Variants in SRGAP1 observed in about 807,000 individuals in gnomAD.
SRGAP1 encodes SLIT-ROBO Rho GTPase activating protein 1, also known as SLIT-ROBO Rho GTPase-activating protein 1.
A neutral mutation model predicts 121.9 loss-of-function variants in SRGAP1; 43 were observed. That is an observed-to-expected ratio of 0.35 (90% CI 0.28 to 0.46). The LOEUF (loss-of-function observed/expected upper bound fraction) is 0.46. Among genes scored for constraint, SRGAP1 ranks in the 20% least tolerant of loss-of-function variants. SRGAP1 has a pLI of 1.00. For synonymous variants in SRGAP1, 447 were observed against 485.4 expected, an observed-to-expected ratio of 0.92 and a Z score of 1.04; for missense variants, 1,102 against 1,350.9, an observed-to-expected ratio of 0.82 and a Z score of 2.89.
chr12:64,041,339 A>G (rs933697162), intron 4 of SRGAP1, among the ~76,000 whole-genome samples: 3 of 151,724 alleles, frequency 2.0e-5, no homozygotes, highest in Non-Finnish European at 2.9e-5. Flanking sequence ...TTAAAGAGAG[A>G]AATCATATAT....
chr12:64,043,376 T>C, intron 5 of SRGAP1, 71 bp from the exon 6 acceptor site: 2 of 1,433,092 alleles, frequency 1.4e-6, no homozygotes, highest in Non-Finnish European at 1.9e-6. Flanking sequence ...TAAAAATGCA[T>C]GTATGTTTCT....
chr12:64,108,017 A>G (rs1327420207), intron 15 of SRGAP1, among the ~76,000 whole-genome samples: 1 of 152,206 alleles, frequency 6.6e-6, no homozygotes, highest in Non-Finnish European at 1.5e-5. Context: ...GACCTTGGGT[A>G]TGCCACTTGC....
chr12:63,846,331 A>G (rs1232674134), intron 1 of SRGAP1, among the ~76,000 whole-genome samples: 1 of 152,136 alleles, frequency 6.6e-6, no homozygotes, highest in African/African-American at 2.4e-5. Flanking sequence ...AAAACCTTTC[A>G]TTCCAGGGCA....
intron 15 of SRGAP1, among the ~76,000 whole-genome samples, chr12:64,102,199 C>T (rs1003702038): frequency 6.6e-6 from 1 of 152,234 alleles, no homozygotes; most frequent in Non-Finnish European, 1.5e-5. Flanking sequence ...GTTATTGCGG[C>T]TTTTGCCATT....
intron 1 of SRGAP1, among the ~76,000 whole-genome samples, chr12:63,954,762 G>A (rs1330337033): frequency 2.0e-5 from 3 of 151,892 alleles, no homozygotes; most frequent in Non-Finnish European, 2.9e-5. Context: ...CACAATTGTA[G>A]GTTTGAATTA....
At chr12:63,940,443 A>G (rs1439271101) in intron 1 of SRGAP1, among the ~76,000 whole-genome samples, 1 of 150,384 alleles carries the variant, frequency 6.6e-6, no homozygotes, top group African/African-American at 2.4e-5. Flanking sequence ...AGCTATGATC[A>G]AGGAGTGTTT....
chr12:64,127,477 T>C, intron 19 of SRGAP1, 113 bp from the exon 20 acceptor site: 1 of 1,055,648 alleles, frequency 9.5e-7, no homozygotes, highest in Non-Finnish European at 1.3e-6. Context: ...TCATGCATAA[T>C]GCTATTTCAT....
chr12:63,986,427 AT>A (rs112213433), intron 2 of SRGAP1, among the ~76,000 whole-genome samples: 1,543 of 144,514 alleles, frequency 0.011, 14 homozygotes, highest in African/African-American at 0.031. Flanking sequence ...CTATTCAGTA[AT>A]TTTTTTTTTT....
In SRGAP1 at chr12:64,080,381, C is replaced by G; in HGVS notation, c.1408+11C>G. The G allele has an allele frequency of 6.2e-7, 1 of 1,601,558 alleles. No homozygotes were observed. The highest frequency in any genetic ancestry group is 8.6e-7 in the Non-Finnish European group (1 of 1,169,138). On this transcript the variant is annotated intron_variant, in intron 10 of 21. Coordinates refer to ENST00000355086, the MANE Select transcript of SRGAP1 (RefSeq NM_020762.4). ...GGACCCTGGGAGAAGGTGAGTTATC[C>G]AAAATGTATGGGAAGATGACCTGGA...
chr12:64,137,130 G>A (rs191795542), intron 21 of SRGAP1, among the ~76,000 whole-genome samples: 355 of 152,186 alleles, frequency 2.3e-3, no homozygotes, highest in Admixed American at 3.9e-3. Flanking sequence ...TGGGCATGGT[G>A]GCAGGCATCT....
chr12:64,098,165 C>G (rs1006081464), intron 15 of SRGAP1, among the ~76,000 whole-genome samples: 1 of 152,038 alleles, frequency 6.6e-6, no homozygotes, highest in Admixed American at 6.5e-5. Flanking sequence ...CTCCACCCCC[C>G]ATCTGAATCA....
In SRGAP1 at chr12:64,147,480, C is replaced by G. The variant is rs984694807; in HGVS notation, c.*4808C>G. 1 of 397,574 alleles carries G rather than the reference C, an allele frequency of 2.5e-6. No homozygotes were observed. Among genetic ancestry groups the G allele is most frequent in the Non-Finnish European group, 4.4e-6 (1 of 225,534 alleles). 24.6% of individuals were successfully genotyped at this position (397,574 alleles called of 1,614,324 possible). A position where few individuals can be genotyped will look rare whatever the true frequency, so the allele number is the denominator to read the frequency against. ...GGTGCTCAGTAATGTCCCATCTCAC[C>G]TCCCTGTCGGTCCTCAGACTGTCTC... On this transcript the variant is annotated 3_prime_UTR_variant, in exon 22 of 22. Coordinates refer to ENST00000355086, the MANE Select transcript of SRGAP1 (RefSeq NM_020762.4).
intron 8 of SRGAP1, among the ~76,000 whole-genome samples, chr12:64,071,633 CAG>C (rs1391088230): frequency 6.6e-6 from 1 of 152,232 alleles, no homozygotes; most frequent in East Asian, 1.9e-4. Flanking sequence ...AAATCAGAGT[CAG>C]GGGTGGGCCG....
chr12:63,898,605 A>G lies in SRGAP1; in HGVS notation c.67+53722A>G, dbSNP rs544928219. 3.3e-5 allele frequency among the ~76,000 whole-genome samples: 5 copies of G among 152,342 alleles called. No individual in the cohort carries two copies. In the East Asian group the frequency reaches 7.7e-4, roughly 23 times the overall value. ...GAGATTTACATTACATAAATATTAC[A>G]AAACAGAAGGAAACTCTACAAACAA... On this transcript the variant is annotated intron_variant, in intron 1 of 21. Coordinates refer to ENST00000355086, the MANE Select transcript of SRGAP1 (RefSeq NM_020762.4).
At chr12:63,884,010 G>A (rs185999079) in intron 1 of SRGAP1, among the ~76,000 whole-genome samples, 345 of 135,440 alleles carry the variant, frequency 2.5e-3, no homozygotes, top group Non-Finnish European at 3.9e-3. Flanking sequence ...CAGGCCAGGC[G>A]CGGTAGCTCA....
intron 6 of SRGAP1, among the ~76,000 whole-genome samples, chr12:64,045,077 A>T (rs2035101953): frequency 6.6e-6 from 1 of 152,168 alleles, no homozygotes; most frequent in South Asian, 2.1e-4. Context: ...ACCATGTAGT[A>T]ATAAATAAAA....
intron 1 of SRGAP1, among the ~76,000 whole-genome samples, chr12:63,916,263 G>A (rs544618080): frequency 6.6e-6 from 1 of 151,972 alleles, no homozygotes; most frequent in Non-Finnish European, 1.5e-5. Flanking sequence ...GAGCTCTAGG[G>A]ATCTGCCCAC....
chr12:64,073,782 A>T (rs1333427219), intron 8 of SRGAP1, among the ~76,000 whole-genome samples: 1 of 151,564 alleles, frequency 6.6e-6, no homozygotes, highest in Non-Finnish European at 1.5e-5. Flanking sequence ...ATCCATAAAA[A>T]AAAAAACCTG....
chr12:64,094,943 G>C lies in SRGAP1; in HGVS notation c.1551G>C (p.Gln517His). Residue 517 changes from glutamine (Q) to histidine (H), a missense_variant, in exon 13 of 22, where the codon CAG (glutamine) becomes CAC (histidine). Physicochemically the swap from Gln to His is conservative, Grantham distance 24 (BLOSUM62 0). Coordinates refer to ENST00000355086, the MANE Select transcript of SRGAP1 (RefSeq NM_020762.4). ...DLETFVKDSG[Q>H]VIPLIVESCI... ...ATCCCTTTACCCAGGACTCAGGACA[G>C]GTTATTCCCCTCATTGTGGAAAGCT... 6.2e-7 allele frequency: 1 copy of C among 1,614,068 alleles called. No individual in the cohort carries two copies.
Sources: gnomAD v4.1 joint callset for allele counts (sites outside exome capture counted in the v4.1 genomes callset) on GRCh38, gnomAD v4.1.1 for gene constraint, MANE v1.5 for transcripts, NCBI Gene and HGNC (gene_info 2026-07-23, HGNC 2026-07-21) for gene names.